ARHGAP20: variants seen among roughly 807,000 people sequenced by gnomAD.
ARHGAP20 encodes Rho GTPase activating protein 20.
Under a neutral mutation model 73.7 loss-of-function variants are expected in ARHGAP20, and 34 were observed. The observed-to-expected ratio is 0.46, with a 90% CI of 0.35 to 0.61. ARHGAP20 has a LOEUF of 0.61. Ranked by LOEUF, ARHGAP20 falls within the 20% of genes least tolerant of loss-of-function variation. The probability of loss-of-function intolerance (pLI) is 0.00; values close to 1 mark genes in which losing one functional copy is unlikely to be tolerated. For synonymous variants in ARHGAP20, 523 were observed against 518.2 expected, an observed-to-expected ratio of 1.01 and a Z score of -0.13; for missense variants, 1,314 against 1,420.9, an observed-to-expected ratio of 0.92 and a Z score of 1.21.
intron 1 of ARHGAP20, among the ~76,000 whole-genome samples, chr11:110,698,426 T>A (rs1950379114): frequency 6.6e-6 from 1 of 151,896 alleles, no homozygotes. Flanking sequence ...AGGGAGATAC[T>A]GGTTTCATAG....
chr11:110,664,653 G>T (rs1472917987), intron 2 of ARHGAP20, among the ~76,000 whole-genome samples: 2 of 150,504 alleles, frequency 1.3e-5, no homozygotes, highest in African/African-American at 4.9e-5. Context: ...GCGTGAACCC[G>T]GGAGGCGGAG....
At chr11:110,616,686 CTTT>C (rs58360001) in intron 4 of ARHGAP20, among the ~76,000 whole-genome samples, 14 of 140,176 alleles carry the variant, frequency 1.0e-4, no homozygotes, top group South Asian at 4.5e-4. Context: ...ACATTTTTTT[CTTT>C]TTTTTTTTTT....
intron 7 of ARHGAP20, among the ~76,000 whole-genome samples, chr11:110,610,063 A>G (rs1389810559): frequency 2.6e-5 from 4 of 152,170 alleles, no homozygotes; most frequent in Admixed American, 6.5e-5. Flanking sequence ...CCAAAGGAAA[A>G]GCATAGATAA....
rs1040864749 is a variant in ARHGAP20 at position 110,579,529 on chromosome 11, T to C, written c.3417A>G (p.Ser1139=). ...GACTACCAGGCTCTATTTCCTCATG[T>C]GACTTCATGCACAGCTTAAGTCTGC... ...VESRLKLCMK[S]HEEIEPGSQS... is the part of the protein sequence containing the mutation. Residue 1139 remains serine, a synonymous_variant, in exon 15 of 15, where the codon TCA becomes TCG. Transcript: ENST00000683387. 3.1e-6 allele frequency: 5 copies of C among 1,614,208 alleles called. No homozygotes were observed. Among genetic ancestry groups the C allele is most frequent in the Non-Finnish European group, 4.2e-6 (5 of 1,180,026 alleles).
At chr11:110,586,356 A>G (rs778135041) in intron 11 of ARHGAP20, 31 bp from the exon 12 acceptor site, 2 of 1,357,444 alleles carry the variant, frequency 1.5e-6, no homozygotes, top group Non-Finnish European at 2.0e-6. Context: ...AATATTTCAA[A>G]TAATTATCCT....
chr11:110,681,948 G>A (rs575914996), intron 2 of ARHGAP20, among the ~76,000 whole-genome samples: 2 of 152,238 alleles, frequency 1.3e-5, no homozygotes, highest in South Asian at 4.1e-4. Flanking sequence ...GAGCAAAGCA[G>A]GTCAATCCTC....
At position 110,660,137 on chromosome 11, in the gene ARHGAP20, G is replaced by A. The variant is rs544483721; in HGVS notation, c.189-29345C>T. 3.3e-5 allele frequency among the ~76,000 whole-genome samples: 5 copies of A among 151,726 alleles called. No homozygotes were observed. In the East Asian group the frequency reaches 9.7e-4, roughly 29 times the overall value. ...TAAGCCTATATCAGAACTACATATA[G>A]GGCTTGTTAAAACATAGAATGCAAG... is the stretch of plus-strand genomic sequence containing the variant. On this transcript the variant is annotated intron_variant, in intron 2 of 14. Transcript: ENST00000683387.
intron 2 of ARHGAP20, among the ~76,000 whole-genome samples, chr11:110,639,689 T>G (rs189117742): frequency 7.5e-4 from 114 of 152,148 alleles, no homozygotes; most frequent in African/African-American, 2.6e-3. Flanking sequence ...TCATGTAATA[T>G]CTATCCTTTC....
Position 110,579,064 on chromosome 11 carries a change from A to G in ARHGAP20, c.*306T>C, listed in dbSNP as rs1485021152. ...GACATCAATCTCACAGACTGTTCCCATAAGTGCTTCCTCTGCAGAAGATGC... is the reference window on the plus strand; with the variant it reads ...GACATCAATCTCACAGACTGTTCCCGTAAGTGCTTCCTCTGCAGAAGATGC... On this transcript the variant is annotated 3_prime_UTR_variant, in exon 15 of 15. Transcript: ENST00000683387. 2 of 1,025,748 alleles carry G rather than the reference A, an allele frequency of 1.9e-6. No individual in the cohort carries two copies. Among genetic ancestry groups the G allele is most frequent in the South Asian group, 4.1e-5 (1 of 24,408 alleles). The allele number at this position is 1,025,748 out of a possible 1,614,324, so 63.5% of individuals were successfully genotyped here.
chr11:110,674,160 T>C (rs7108050), intron 2 of ARHGAP20, among the ~76,000 whole-genome samples: 1,539 of 152,212 alleles, frequency 0.01, 28 homozygotes, highest in African/African-American at 0.035. Flanking sequence ...GTTCTCGATC[T>C]CTTGACCTCA....
intron 4 of ARHGAP20, among the ~76,000 whole-genome samples, chr11:110,617,733 G>T (rs1348897682): frequency 6.6e-6 from 1 of 151,938 alleles, no homozygotes; most frequent in Non-Finnish European, 1.5e-5. Flanking sequence ...CCTTTCTTTA[G>T]TAATTCTTAA....
In ARHGAP20 at chr11:110,578,534, G is replaced by A. The variant is rs762217607; in HGVS notation, c.*836C>T. On this transcript the variant is annotated 3_prime_UTR_variant, in exon 15 of 15. Coordinates refer to ENST00000683387, the MANE Select transcript of ARHGAP20 (RefSeq NM_001384657.1). ...CTTTTCCTCCATATTGAGAGTGAAC[G>A]CTGTCAGGAGGTCACCTTCTAAATA... 36 of 985,404 alleles carry A rather than the reference G, an allele frequency of 3.7e-5. No individual in the cohort carries two copies. The highest frequency in any genetic ancestry group is 4.2e-5 in the Non-Finnish European group (35 of 829,930). 61.0% of individuals were successfully genotyped at this position (985,404 alleles called of 1,614,324 possible).
At chr11:110,597,429 T>C (rs940342698) in intron 9 of ARHGAP20, among the ~76,000 whole-genome samples, 1 of 152,088 alleles carries the variant, frequency 6.6e-6, no homozygotes, top group African/African-American at 2.4e-5. Flanking sequence ...TATATGTGAA[T>C]ATGTATGTTG....
chr11:110,579,801 A>G lies in ARHGAP20; in HGVS notation c.3145T>C (p.Ser1049Pro). 1 of 1,613,978 alleles carries G rather than the reference A, an allele frequency of 6.2e-7. No individual in the cohort carries two copies. Among genetic ancestry groups the G allele is most frequent in the Non-Finnish European group, 8.5e-7 (1 of 1,179,998 alleles). ...RNGVASLKNW[S>P]LKKKAKAARP... The stretch of plus-strand genomic sequence containing the variant: ...GCTGCCTTTGCTTTCTTTTTGAGGG[A>G]CCAGTTTTTCAAACTGGCCACACCA... The change falls in exon 15 of 15, where the codon TCC (serine) becomes CCC (proline). Residue 1049 changes from serine to proline, a missense_variant. Coordinates refer to ENST00000683387, the MANE Select transcript of ARHGAP20 (RefSeq NM_001384657.1).
Position 110,580,585 on chromosome 11 carries a change from T to C in ARHGAP20, c.2361A>G (p.Gly787=), listed in dbSNP as rs1313070776. The change falls in exon 15 of 15, where the codon GGA becomes GGG. Residue 787 remains glycine (G), a synonymous_variant. Transcript: ENST00000683387. ...TKKKSLSGSE[G]NHVKLFPKSK... ...ACTTAGGGAAAAGTTTCACGTGATTTCCTTCACTACCAGACAAGCTTTTCT... is the reference window on the plus strand; with the variant it reads ...ACTTAGGGAAAAGTTTCACGTGATTCCCTTCACTACCAGACAAGCTTTTCT... 1 of 1,614,114 alleles carries C rather than the reference T, an allele frequency of 6.2e-7. No individual in the cohort carries two copies. The highest frequency in any genetic ancestry group is 8.5e-7 in the Non-Finnish European group (1 of 1,180,054).
chr11:110,591,827 G>C, intron 10 of ARHGAP20, 150 bp downstream of exon 10: 1 of 830,896 alleles, frequency 1.2e-6, no homozygotes, highest in Non-Finnish European at 1.8e-6. Context: ...AGCTAAATCA[G>C]ATTTTGTTAT....
At chr11:110,588,564 G>A (rs948572241) in intron 11 of ARHGAP20, among the ~76,000 whole-genome samples, 7 of 152,096 alleles carry the variant, frequency 4.6e-5, no homozygotes, top group Admixed American at 3.3e-4. Context: ...TAAAACATAC[G>A]ATAAAATGTT....
intron 4 of ARHGAP20, among the ~76,000 whole-genome samples, chr11:110,621,851 G>T (rs1848062730): frequency 6.6e-6 from 1 of 152,128 alleles, no homozygotes; most frequent in African/African-American, 2.4e-5. Flanking sequence ...ACTGTATTCT[G>T]TTATATTTGT....
At chr11:110,652,587 C>A (rs941438350) in intron 2 of ARHGAP20, among the ~76,000 whole-genome samples, 6 of 151,914 alleles carry the variant, frequency 3.9e-5, no homozygotes, top group East Asian at 1.9e-4. Context: ...TCCTATAAAC[C>A]AACAACAGAC....
Sources: allele counts gnomAD v4.1 joint callset (sites outside exome capture counted in the v4.1 genomes callset), GRCh38; gene constraint gnomAD v4.1.1; transcripts MANE v1.5; gene names NCBI Gene and HGNC (gene_info 2026-07-23, HGNC 2026-07-21).